The following CPSF4L variants were observed in gnomAD, a reference collection of about 807,000 sequenced individuals.
CPSF4L encodes the protein putative cleavage and polyadenylation specificity factor subunit 4-like protein.
Under a neutral mutation model 24.0 loss-of-function variants are expected in CPSF4L, and 18 were observed. The observed-to-expected ratio is 0.75, with a 90% CI of 0.52 to 1.11. The LOEUF is 1.11. CPSF4L is among the 50% of genes least tolerant of loss of function. CPSF4L has a pLI of 0.00. For synonymous variants in CPSF4L, 72 were observed against 77.2 expected (o/e 0.93, Z 0.35); for missense variants, 211 against 221.8 (o/e 0.95, Z 0.31).
At chr17:73,250,953 C>A in intron 5 of CPSF4L, 1 of 1,508,400 alleles carries the variant, frequency 6.6e-7, no homozygotes. Context: ...TAGCCCAGCC[C>A]TGTGGGTTCC....
In CPSF4L at chr17:73,257,785, C is replaced by T. The variant is rs561030446; in HGVS notation, c.203G>A (p.Cys68Tyr). Reference protein sequence around the residue: ...RHDRGEKMVVCKHWLRGLCKK... With the variant: ...RHDRGEKMVVYKHWLRGLCKK... ...GCAGAGCCCCCGGAGCCAGTGCTTG[C>T]ATACCACCATCTTCTCCCCTCGGTC... Residue 68 changes from cysteine to tyrosine, a missense_variant, in exon 3 of 6, where the codon TGC becomes TAC. By Grantham distance (194) the Cys-to-Tyr change is radical. Transcript: ENST00000344935. 1.9e-6 allele frequency: 3 copies of T among 1,551,656 alleles called. No individual in the cohort carries two copies. In the South Asian group the frequency reaches 3.6e-5, roughly 18 times the overall value.
chr17:73,250,379 A>T, intron 5 of CPSF4L: 1 of 1,521,530 alleles, frequency 6.6e-7, no homozygotes, highest in Admixed American at 2.0e-5. Context: ...ACCATAGGAG[A>T]TGGTTAGCTA....
downstream of CPSF4L, among the ~76,000 whole-genome samples, chr17:73,243,578 G>C (rs1568325458): frequency 2.0e-5 from 3 of 147,348 alleles, no homozygotes; most frequent in Non-Finnish European, 4.5e-5. Context: ...ACCCAGGCTA[G>C]AGTGCAGTGG....
downstream of CPSF4L, chr17:73,245,155 T>G: frequency 6.2e-7 from 1 of 1,613,704 alleles, no homozygotes; most frequent in Non-Finnish European, 8.5e-7. Context: ...CATTTGTCTC[T>G]GTTTATCCAA....
chr17:73,246,854 C>T (rs2061957395), downstream of CPSF4L, among the ~76,000 whole-genome samples: 1 of 152,176 alleles, frequency 6.6e-6, no homozygotes, highest in Non-Finnish European at 1.5e-5. Context: ...GAACAATCTT[C>T]CCTGCCGAAA....
chr17:73,245,646 C>T, downstream of CPSF4L: 1 of 985,342 alleles, frequency 1.0e-6, no homozygotes. Context: ...GGCCCTTCCC[C>T]TTAGTTTCTT....
At chr17:73,258,070 C>T (rs1262489490) in intron 2 of CPSF4L, among the ~76,000 whole-genome samples, 5 of 151,280 alleles carry the variant, frequency 3.3e-5, no homozygotes, top group African/African-American at 4.9e-5. Context: ...AGTGCAGCGG[C>T]GCGATCTTGG....
chr17:73,243,839 G>T (rs551200324), downstream of CPSF4L, among the ~76,000 whole-genome samples: 1 of 152,212 alleles, frequency 6.6e-6, no homozygotes. Flanking sequence ...AGCCTTTGTA[G>T]CTTTTTTCCC....
downstream of CPSF4L, chr17:73,245,397 G>T: frequency 8.2e-7 from 1 of 1,223,934 alleles, no homozygotes; most frequent in Non-Finnish European, 1.0e-6. Context: ...GGTTCTGTCT[G>T]GATGTTCTTG....
At chr17:73,248,302 G>T, downstream of CPSF4L, 1 of 595,912 alleles carries the variant, frequency 1.7e-6, no homozygotes, top group South Asian at 2.0e-5. Flanking sequence ...GTACGCTTCA[G>T]GTGTGAGGCG....
At chr17:73,262,536 C>A (rs2062051320), upstream of CPSF4L, among the ~76,000 whole-genome samples, 1 of 152,264 alleles carries the variant, frequency 6.6e-6, no homozygotes. Context: ...CAGGATTCCA[C>A]AGGGCCACCC....
downstream of CPSF4L, chr17:73,248,438 G>A (rs2061982068): frequency 2.0e-6 from 3 of 1,469,022 alleles, no homozygotes; most frequent in Admixed American, 3.9e-5. Flanking sequence ...GGGGGTAAAA[G>A]TCGTGTTCTG....
intron 4 of CPSF4L, among the ~76,000 whole-genome samples, chr17:73,253,662 G>A (rs2062013665): frequency 6.6e-6 from 1 of 152,232 alleles, no homozygotes; most frequent in Admixed American, 6.5e-5. Context: ...AGAGCTTCCT[G>A]TGTGGTTCAG....
At chr17:73,242,834 C>A in the CPSF4L span, 2 of 1,344,108 alleles carry the variant, frequency 1.5e-6, no homozygotes, top group Non-Finnish European at 2.1e-6. Context: ...ACTTGAATGA[C>A]TCGCGGATAC....
chr17:73,256,855 C>T (rs2062026201), intron 3 of CPSF4L, among the ~76,000 whole-genome samples: 1 of 152,046 alleles, frequency 6.6e-6, no homozygotes, highest in South Asian at 2.1e-4. Flanking sequence ...GGCAAAACCC[C>T]GTCTCTACTA....
At chr17:73,250,824 C>G in intron 5 of CPSF4L, 1 of 563,412 alleles carries the variant, frequency 1.8e-6, no homozygotes, top group South Asian at 3.9e-5. Flanking sequence ...GAGATGCCAA[C>G]AGGATGGTTT....
intron 2 of CPSF4L, among the ~76,000 whole-genome samples, chr17:73,260,315 A>G (rs1262395231): frequency 1.3e-5 from 2 of 152,192 alleles, no homozygotes. Flanking sequence ...CCATCCCAGC[A>G]AGGCAGAAAG....
chr17:73,251,316 C>T (rs141875212), intron 5 of CPSF4L, among the ~76,000 whole-genome samples: 126 of 152,334 alleles, frequency 8.3e-4, no homozygotes, highest in African/African-American at 2.9e-3. Flanking sequence ...CGCAGTCCCA[C>T]AGATCGCCTC....
chr17:73,246,220 C>G (rs564990249), downstream of CPSF4L, among the ~76,000 whole-genome samples: 119 of 152,302 alleles, frequency 7.8e-4, 1 homozygote, highest in African/African-American at 2.7e-3. Flanking sequence ...GTCAGTTCCT[C>G]TTATGTCCCA....
Sources: gnomAD v4.1 joint callset for allele counts (sites outside exome capture counted in the v4.1 genomes callset) on GRCh38, gnomAD v4.1.1 for gene constraint, MANE v1.5 for transcripts, NCBI Gene and HGNC (gene_info 2026-07-23, HGNC 2026-07-21) for gene names.